Variants in RSRC1 observed in about 807,000 individuals in gnomAD.
The protein encoded by RSRC1 is arginine and serine rich coiled-coil 1.
Under a neutral mutation model 49.1 loss-of-function variants are expected in RSRC1, and 39 were observed. The observed-to-expected ratio is 0.79, with a 90% confidence interval of 0.61 to 1.04. The LOEUF is 1.04. RSRC1 is among the 50% of genes least tolerant of loss of function. The pLI, the probability that RSRC1 is intolerant of heterozygous loss-of-function variation, is 0.00. For synonymous variants in RSRC1, 143 were observed against 130.8 expected, an observed-to-expected ratio of 1.09 and a Z score of -0.63; for missense variants, 388 against 402.4, an observed-to-expected ratio of 0.96 and a Z score of 0.31.
At chr3:158,132,882 T>G (rs1217190135) in intron 3 of RSRC1, among the ~76,000 whole-genome samples, 1 of 152,214 alleles carries the variant, frequency 6.6e-6, no homozygotes, top group African/African-American at 2.4e-5. Context: ...TAGAAAATGA[T>G]TAAGTATGCC....
At chr3:158,283,911 T>G (rs897139733) in intron 4 of RSRC1, among the ~76,000 whole-genome samples, 1 of 151,498 alleles carries the variant, frequency 6.6e-6, no homozygotes, top group Non-Finnish European at 1.5e-5. Flanking sequence ...ATTATTATAC[T>G]CTAAGTTCTA....
rs545013882 is a variant in RSRC1, at chr3:158,463,894, G to A, written c.652+2891G>A. Among the ~76,000 whole-genome samples the A allele has an allele frequency of 6.6e-5, 10 of 152,132 alleles. 2 individuals are homozygous for A. In the South Asian group the frequency reaches 1.9e-3, roughly 28 times the overall value. On this transcript the variant is annotated intron_variant, in intron 7 of 9. Coordinates refer to ENST00000611884, the MANE Select transcript of RSRC1 (RefSeq NM_001271838.2). ...TTGATTTTTCCACTTAGTGAATATC[G>A]CTAGTACATTGGTGATAGGCGCTCA...
chr3:158,527,719 C>T (rs2108496488), intron 7 of RSRC1, among the ~76,000 whole-genome samples: 1 of 151,954 alleles, frequency 6.6e-6, no homozygotes, highest in African/African-American at 2.4e-5. Flanking sequence ...AGACAGTAAA[C>T]CTGGGTAAAG....
chr3:158,447,235 C>T (rs1221299333), intron 6 of RSRC1, among the ~76,000 whole-genome samples: 1 of 151,856 alleles, frequency 6.6e-6, no homozygotes, highest in African/African-American at 2.4e-5. Flanking sequence ...ACACTGATAG[C>T]AAGCCATTGG....
At chr3:158,252,013 T>G (rs1380565145) in intron 4 of RSRC1, among the ~76,000 whole-genome samples, 1 of 152,152 alleles carries the variant, frequency 6.6e-6, no homozygotes, top group Non-Finnish European at 1.5e-5. Context: ...TTTTTGAGGG[T>G]TTTTGTTATG....
intron 6 of RSRC1, among the ~76,000 whole-genome samples, chr3:158,453,382 C>CTT (rs11288276): frequency 1.4e-5 from 2 of 138,134 alleles, no homozygotes; most frequent in African/African-American, 2.7e-5. Flanking sequence ...AGCCCGGAAC[C>CTT]TTTTTTTTTT....
intron 3 of RSRC1, among the ~76,000 whole-genome samples, chr3:158,133,613 G>T (rs1372849794): frequency 1.3e-5 from 2 of 152,056 alleles, no homozygotes; most frequent in Non-Finnish European, 2.9e-5. Context: ...TGAAATGCAG[G>T]CATATCTTCA....
intron 3 of RSRC1, among the ~76,000 whole-genome samples, chr3:158,152,109 A>T (rs1321466889): frequency 6.6e-6 from 1 of 152,012 alleles, no homozygotes; most frequent in Non-Finnish European, 1.5e-5. Context: ...ATTGAATAAT[A>T]TAGGAGACGA....
chr3:158,514,345 TC>T (rs2108478818), intron 7 of RSRC1, among the ~76,000 whole-genome samples: 1 of 152,326 alleles, frequency 6.6e-6, no homozygotes, highest in Non-Finnish European at 1.5e-5. Context: ...TCAAAGAACA[TC>T]TTTATTTCTG....
intron 6 of RSRC1, among the ~76,000 whole-genome samples, chr3:158,443,089 C>T (rs547607152): frequency 3.2e-4 from 49 of 152,196 alleles, no homozygotes; most frequent in African/African-American, 1.2e-3. Flanking sequence ...TTATAGAGCA[C>T]AGGCAGAGTA....
At chr3:158,445,940 A>T (rs940200976) in intron 6 of RSRC1, among the ~76,000 whole-genome samples, 14 of 152,096 alleles carry the variant, frequency 9.2e-5, no homozygotes, top group Non-Finnish European at 1.6e-4. Context: ...AGATTTTTTT[A>T]AAAAACAAAA....
intron 5 of RSRC1, among the ~76,000 whole-genome samples, chr3:158,352,267 A>G (rs376068628): frequency 6.6e-6 from 1 of 152,248 alleles, no homozygotes; most frequent in Non-Finnish European, 1.5e-5. Context: ...GTGAGACCCT[A>G]TCTCTTACAA....
chr3:158,190,341 G>C (rs1720164565), intron 3 of RSRC1, among the ~76,000 whole-genome samples: 1 of 151,662 alleles, frequency 6.6e-6, no homozygotes, highest in African/African-American at 2.4e-5. Flanking sequence ...TTTTCTTTTG[G>C]AACCTCAACT....
chr3:158,429,341 C>T (rs1320934211), intron 6 of RSRC1, among the ~76,000 whole-genome samples: 2 of 148,596 alleles, frequency 1.3e-5, no homozygotes, highest in Admixed American at 6.8e-5. Flanking sequence ...TTCCATGATA[C>T]GTTTTGGAGT....
chr3:158,242,032 C>CTTTTTTTTTTT (rs34356543), intron 4 of RSRC1, among the ~76,000 whole-genome samples: 2 of 66,616 alleles, frequency 3.0e-5, no homozygotes, highest in African/African-American at 6.5e-5. Context: ...AATTTCCAAC[C>CTTTTTTTTTTT]TTTTTTTTTT....
At chr3:158,204,725 C>A (rs929174297) in intron 4 of RSRC1, among the ~76,000 whole-genome samples, 8 of 152,132 alleles carry the variant, frequency 5.3e-5, no homozygotes, top group South Asian at 4.2e-4. Flanking sequence ...AAAATTTTTT[C>A]TTCTTTTGGT....
chr3:158,492,022 C>G (rs1438440517), intron 7 of RSRC1, among the ~76,000 whole-genome samples: 2 of 152,162 alleles, frequency 1.3e-5, no homozygotes, highest in Non-Finnish European at 2.9e-5. Flanking sequence ...AATTGACTTA[C>G]AGTTCCACAT....
intron 6 of RSRC1, among the ~76,000 whole-genome samples, chr3:158,420,389 C>G (rs537800771): frequency 2.6e-4 from 39 of 152,026 alleles, no homozygotes; most frequent in South Asian, 1.2e-3. Context: ...GAATCTAAGT[C>G]AGAACCCTAC....
intron 7 of RSRC1, among the ~76,000 whole-genome samples, chr3:158,507,696 T>C (rs73154313): frequency 0.21 from 32,328 of 152,096 alleles, 3,828 homozygotes; most frequent in South Asian, 0.3. Flanking sequence ...TTCTCTATTG[T>C]TTAAAAAAAT....
Sources: gnomAD v4.1 joint callset for allele counts (sites outside exome capture counted in the v4.1 genomes callset) on GRCh38, gnomAD v4.1.1 for gene constraint, MANE v1.5 for transcripts, NCBI Gene and HGNC (gene_info 2026-07-23, HGNC 2026-07-21) for gene names.